The following ELMO1 variants were observed in gnomAD, a reference collection of about 807,000 sequenced individuals.
The protein encoded by ELMO1 is engulfment and cell motility 1, also known as engulfment and cell motility protein 1.
A neutral mutation model predicts 98.9 loss-of-function variants in ELMO1; 26 were observed. The ratio of observed to expected loss-of-function variants is 0.26; its 90% CI spans 0.19 to 0.36. The LOEUF (loss-of-function observed/expected upper bound fraction) is 0.36. Among genes scored for constraint, ELMO1 ranks in the 10% least tolerant of loss-of-function variants. ELMO1 has a pLI of 1.00. For synonymous variants in ELMO1, 346 were observed against 346.0 expected (o/e 1.00, Z 0.00); for missense variants, 627 against 935.2 (o/e 0.67, Z 4.30).
At chr7:37,394,983 A>T (rs1803230042) in intron 1 of ELMO1, among the ~76,000 whole-genome samples, 6 of 152,188 alleles carry the variant, frequency 3.9e-5, no homozygotes, top group Admixed American at 3.9e-4. Context: ...TTTAGTTCCC[A>T]GTGTTACCTC....
At chr7:36,945,672 T>C (rs930564129) in intron 16 of ELMO1, among the ~76,000 whole-genome samples, 1 of 152,220 alleles carries the variant, frequency 6.6e-6, no homozygotes, top group Non-Finnish European at 1.5e-5. Flanking sequence ...GATGACTTGC[T>C]GTGGCTCCAT....
rs568883106 is a variant in ELMO1, at chr7:37,154,638, A to G, written c.1087-21404T>C. On this transcript the variant is annotated intron_variant, in intron 13 of 21. Transcript: ENST00000310758. ...AGAAAAGAGTGAAAAGAAACTAACAAAGCCTCTAAGAAATACGGGACTATG... is the reference window on the plus strand; with the variant it reads ...AGAAAAGAGTGAAAAGAAACTAACAGAGCCTCTAAGAAATACGGGACTATG... 9.3e-4 allele frequency among the ~76,000 whole-genome samples: 141 copies of G among 152,340 alleles called. 2 individuals are homozygous for G. The South Asian group carries it at 0.013, about 15-fold the overall frequency.
chr7:36,862,355 G>A lies in ELMO1; in HGVS notation c.1906-619C>T, dbSNP rs192450682. 1.9e-3 allele frequency among the ~76,000 whole-genome samples: 294 copies of A among 152,322 alleles called. 1 individual carries two copies. The highest frequency in any genetic ancestry group is 7.0e-3 in the African/African-American group (290 of 41,578). ...CTACACAAAGCTTAGGTCTTACCCA[G>A]CAGAGACTGCAAGGTATAATCGAGA... On this transcript the variant is annotated intron_variant, in intron 20 of 21. Transcript: ENST00000310758.
At chr7:36,871,331 T>G (rs1000636555) in intron 19 of ELMO1, among the ~76,000 whole-genome samples, 1 of 152,182 alleles carries the variant, frequency 6.6e-6, no homozygotes, top group Non-Finnish European at 1.5e-5. Flanking sequence ...AGGCCAGGCC[T>G]TTGAAACCAG....
chr7:37,143,297 C>A (rs1375813837), intron 13 of ELMO1, among the ~76,000 whole-genome samples: 1 of 152,222 alleles, frequency 6.6e-6, no homozygotes, highest in African/African-American at 2.4e-5. Context: ...GGCTTTTAAC[C>A]AGGTTGATCA....
rs143745166 is a variant in ELMO1 at position 37,001,659 on chromosome 7, C to A, written c.1437+11640G>T. ...TGCTAAGGTGGCACTTGTGCAAAAT[C>A]CTAAAGGATAAGTGAAATTTCAACA... On this transcript the variant is annotated intron_variant, in intron 16 of 21. Coordinates refer to ENST00000310758, the MANE Select transcript of ELMO1 (RefSeq NM_014800.11). Among the ~76,000 whole-genome samples the A allele has an allele frequency of 7.1e-3, 1,082 of 152,140 alleles. 6 individuals carry two copies. Among genetic ancestry groups the A allele is most frequent in the Middle Eastern group, 0.027 (8 of 294 alleles).
intron 14 of ELMO1, among the ~76,000 whole-genome samples, chr7:37,104,010 C>CAAAAAAAAAAAAAAAAAAAA (rs35979251): frequency 1.0e-4 from 3 of 29,002 alleles, no homozygotes; most frequent in African/African-American, 1.5e-4. Context: ...GACTCCATCT[C>CAAAAAAAAAAAAAAAAAAAA]AAAAAAAAAA....
In ELMO1 at chr7:36,861,955, A is replaced by G. The variant is rs1802670600; in HGVS notation, c.1906-219T>C. ...CTGTGAACTATCTCATTTAATTCGC[A>G]TGCAGCCCATGTAGCAAGTGTTTTC... On this transcript the variant is annotated intron_variant, in intron 20 of 21. Transcript: ENST00000310758. The G allele has an allele frequency of 1.4e-5, 8 of 574,198 alleles. No individual in the cohort carries two copies. In the South Asian group the frequency reaches 1.7e-4, roughly 12 times the overall value. The allele number at this position is 574,198 out of a possible 1,614,324, so 35.6% of individuals were successfully genotyped here. A position where few individuals can be genotyped will look rare whatever the true frequency, so the allele number is the denominator to read the frequency against.
chr7:37,089,280 T>C (rs1284232872), intron 15 of ELMO1, among the ~76,000 whole-genome samples: 2 of 152,164 alleles, frequency 1.3e-5, no homozygotes, highest in Admixed American at 1.3e-4. Flanking sequence ...ATAATAAATA[T>C]TGCCATGGAA....
intron 20 of ELMO1, among the ~76,000 whole-genome samples, chr7:36,869,318 C>T (rs1395273664): frequency 6.6e-6 from 1 of 152,230 alleles, no homozygotes; most frequent in Non-Finnish European, 1.5e-5. Context: ...GCCTCTTCAG[C>T]TGCATCCCCT....
At chr7:36,958,428 G>A (rs1185019170) in intron 16 of ELMO1, among the ~76,000 whole-genome samples, 2 of 152,142 alleles carry the variant, frequency 1.3e-5, no homozygotes, top group Non-Finnish European at 2.9e-5. Flanking sequence ...ACTATGTACA[G>A]CTTCTCCTCT....
At chr7:37,140,784 C>T (rs531557670) in intron 13 of ELMO1, among the ~76,000 whole-genome samples, 1 of 151,030 alleles carries the variant, frequency 6.6e-6, no homozygotes, top group South Asian at 2.1e-4. Flanking sequence ...GGAAAAAATG[C>T]TCAACATCAG....
chr7:37,398,133 A>G (rs1803373078), intron 1 of ELMO1, among the ~76,000 whole-genome samples: 1 of 152,216 alleles, frequency 6.6e-6, no homozygotes, highest in Non-Finnish European at 1.5e-5. Flanking sequence ...ACAAACGTGC[A>G]CACCTGCACA....
intron 7 of ELMO1, among the ~76,000 whole-genome samples, chr7:37,240,032 C>CT (rs796716424): frequency 0.013 from 1,763 of 137,668 alleles, 19 homozygotes; most frequent in South Asian, 0.027. Flanking sequence ...AATTTTCTTT[C>CT]TTTTTTTTTT....
intron 15 of ELMO1, among the ~76,000 whole-genome samples, chr7:37,076,670 TAA>T (rs1373656047): frequency 5.9e-5 from 9 of 152,348 alleles, no homozygotes; most frequent in Admixed American, 4.6e-4. Context: ...CCATCCCACA[TAA>T]AGAGAACAAA....
rs200121520 is a variant in ELMO1 at position 36,971,795 on chromosome 7, G to A, written c.1437+41504C>T. Reference sequence around the variant, plus strand: ...GAAACCTAACTGCCAACTGGTGTCGGAGCGGGTCCTTTTCTAAAAAAGGGA... The same window carrying A: ...GAAACCTAACTGCCAACTGGTGTCGAAGCGGGTCCTTTTCTAAAAAAGGGA... On this transcript the variant is annotated intron_variant, in intron 16 of 21. Transcript: ENST00000310758. Among the ~76,000 whole-genome samples, 24 of 152,298 alleles carry A rather than the reference G, an allele frequency of 1.6e-4. No individual in the cohort carries two copies. The East Asian group carries it at 3.1e-3, about 20-fold the overall frequency.
At chr7:36,875,627 TGGA>T (rs1448727087) in intron 19 of ELMO1, among the ~76,000 whole-genome samples, 1 of 152,150 alleles carries the variant, frequency 6.6e-6, no homozygotes, top group Non-Finnish European at 1.5e-5. Flanking sequence ...AAAAGCTGTG[TGGA>T]GATTTGCAGC....
At chr7:37,022,065 G>A (rs780494814) in intron 15 of ELMO1, among the ~76,000 whole-genome samples, 4 of 152,148 alleles carry the variant, frequency 2.6e-5, no homozygotes, top group Non-Finnish European at 5.9e-5. Context: ...TGGAAGAAAT[G>A]AATTATGACT....
chr7:37,042,720 G>A (rs1302435758), intron 15 of ELMO1, among the ~76,000 whole-genome samples: 1 of 152,132 alleles, frequency 6.6e-6, no homozygotes, highest in African/African-American at 2.4e-5. Flanking sequence ...ATTTCCAACT[G>A]TAAAGCCTTT....
Sources: allele counts gnomAD v4.1 joint callset (sites outside exome capture counted in the v4.1 genomes callset), GRCh38; gene constraint gnomAD v4.1.1; transcripts MANE v1.5; gene names NCBI Gene and HGNC (gene_info 2026-07-23, HGNC 2026-07-21).